STK32B: variants seen among roughly 807,000 people sequenced by gnomAD.
STK32B encodes serine/threonine kinase 32B, also known as serine/threonine-protein kinase 32B.
In STK32B, 43 loss-of-function variants were observed where a neutral mutation model predicts 52.6. The ratio of observed to expected loss-of-function variants is 0.82; its 90% CI spans 0.64 to 1.05. The LOEUF is 1.05. STK32B is among the 50% of genes least tolerant of loss of function. The probability of loss-of-function intolerance (pLI) is 0.00; values close to 1 mark genes in which losing one functional copy is unlikely to be tolerated. For missense variants in STK32B, 621 were observed against 534.6 expected (o/e 1.16, Z -1.59); for synonymous variants, 238 against 204.3 (o/e 1.17, Z -1.41).
chr4:5,441,183 C>T (rs1456667291), intron 6 of STK32B, among the ~76,000 whole-genome samples: 1 of 149,946 alleles, frequency 6.7e-6, no homozygotes, highest in Non-Finnish European at 1.5e-5. Context: ...AGGAATGGTA[C>T]CAGTTCCTCC....
At position 5,453,782 on chromosome 4, in the gene STK32B, G is replaced by A. The variant is rs1282314138; in HGVS notation, c.667-3025G>A. ...TAGTGGGGCATGGTGACGCGTGCCT[G>A]TAATCCCAGCTACTTGGGAGACTGA... On this transcript the variant is annotated intron_variant, in intron 7 of 11. Transcript: ENST00000282908. The surrounding 1 kb of genome is among the most constrained non-coding windows in gnomAD (Gnocchi z 4.0). Among the ~76,000 whole-genome samples the A allele has an allele frequency of 2.0e-5, 3 of 152,054 alleles. No individual in the cohort carries two copies. The highest frequency in any genetic ancestry group is 7.3e-5 in the African/African-American group (3 of 41,378).
At chr4:5,033,186 C>T in the STK32B span, among the ~76,000 whole-genome samples, 1 of 152,184 alleles carries the variant, frequency 6.6e-6, no homozygotes, top group Admixed American at 6.5e-5. Context: ...AGGAAGAGAA[C>T]GCTGGCGGAA....
intron 3 of STK32B, among the ~76,000 whole-genome samples, chr4:5,244,105 G>A (rs921259283): frequency 6.6e-6 from 1 of 152,114 alleles, no homozygotes; most frequent in South Asian, 2.1e-4. Flanking sequence ...AAATGAGTTA[G>A]GGAGGATTCT....
rs572185577 is a variant in STK32B at position 5,395,169 on chromosome 4, A to C, written c.435-3038A>C. On this transcript the variant is annotated intron_variant, in intron 4 of 11. Transcript: ENST00000282908. The surrounding 1 kb of genome is among the most constrained non-coding windows in gnomAD (Gnocchi z 4.4). Reference sequence around the variant, plus strand: ...CACCGTGTGGCTGGCTCCACACAGCAGCTCATGTCTTGAGCTCTCACTCCA... The same window carrying C: ...CACCGTGTGGCTGGCTCCACACAGCCGCTCATGTCTTGAGCTCTCACTCCA... Among the ~76,000 whole-genome samples the C allele has an allele frequency of 5.3e-5, 8 of 152,152 alleles. No homozygotes were observed. The highest frequency in any genetic ancestry group is 1.0e-4 in the Non-Finnish European group (7 of 68,024).
chr4:5,437,272 A>G lies in STK32B; in HGVS notation c.563-9401A>G, dbSNP rs149804407. Among the ~76,000 whole-genome samples, 330 of 152,354 alleles carry G rather than the reference A, an allele frequency of 2.2e-3. 2 individuals carry two copies. The highest frequency in any genetic ancestry group is 0.014 in the Middle Eastern group (4 of 294). Reference sequence around the variant, plus strand: ...CGAACTGAGTGGCCTGAAACAATAGAAGTTCATTTTCCCACAGTTGTGGAG... The same window carrying G: ...CGAACTGAGTGGCCTGAAACAATAGGAGTTCATTTTCCCACAGTTGTGGAG... On this transcript the variant is annotated intron_variant, in intron 6 of 11. Transcript: ENST00000282908.
chr4:5,371,034 GTA>G (rs1417481697), intron 4 of STK32B, among the ~76,000 whole-genome samples: 34 of 150,166 alleles, frequency 2.3e-4, no homozygotes, highest in African/African-American at 5.9e-4. Context: ...GTATATATAT[GTA>G]TATATATGTG....
chr4:5,236,173 C>G (rs745932919), intron 3 of STK32B, among the ~76,000 whole-genome samples: 2 of 152,112 alleles, frequency 1.3e-5, no homozygotes, highest in African/African-American at 4.8e-5. Flanking sequence ...AAAAAGCTCA[C>G]CCTACACTGA....
intron 2 of STK32B, among the ~76,000 whole-genome samples, chr4:5,145,535 C>A (rs1479067118): frequency 6.6e-6 from 1 of 152,162 alleles, no homozygotes; most frequent in Non-Finnish European, 1.5e-5. Flanking sequence ...ACTACTCCAT[C>A]CATTATAGAT....
intron 8 of STK32B, among the ~76,000 whole-genome samples, chr4:5,457,785 T>A (rs1388811981): frequency 6.6e-6 from 1 of 151,238 alleles, no homozygotes; most frequent in Non-Finnish European, 1.5e-5. Flanking sequence ...GGCAGGTGAA[T>A]CACTTGAACC....
At chr4:5,172,219 G>A (rs2108741819) in intron 3 of STK32B, among the ~76,000 whole-genome samples, 1 of 152,226 alleles carries the variant, frequency 6.6e-6, no homozygotes, top group South Asian at 2.1e-4. Context: ...CTGAGACAAT[G>A]GGGTTTTCTA....
intron 1 of STK32B, among the ~76,000 whole-genome samples, chr4:5,108,443 C>G (rs774420919): frequency 6.6e-6 from 1 of 152,116 alleles, no homozygotes; most frequent in Non-Finnish European, 1.5e-5. Context: ...TTCTAAAGTG[C>G]CCTTCTCATG....
At chr4:5,174,797 G>T (rs1010146030) in intron 3 of STK32B, among the ~76,000 whole-genome samples, 1 of 152,030 alleles carries the variant, frequency 6.6e-6, no homozygotes, top group Non-Finnish European at 1.5e-5. Context: ...TGCTCTTCTC[G>T]AGGAGTATCT....
At chr4:5,221,121 A>G (rs767457632) in intron 3 of STK32B, among the ~76,000 whole-genome samples, 2 of 152,122 alleles carry the variant, frequency 1.3e-5, no homozygotes, top group Non-Finnish European at 2.9e-5. Flanking sequence ...GGAGCAATTG[A>G]TGTTCTTCTC....
intron 3 of STK32B, among the ~76,000 whole-genome samples, chr4:5,313,604 AC>A (rs200490898): frequency 0.12 from 17,628 of 152,082 alleles, 2,568 homozygotes; most frequent in African/African-American, 0.35. Context: ...ACATTAAAAA[AC>A]AAAGAATTTA....
chr4:5,468,429 C>T (rs1008097475), intron 11 of STK32B, among the ~76,000 whole-genome samples: 1 of 152,346 alleles, frequency 6.6e-6, no homozygotes, highest in African/African-American at 2.4e-5. Flanking sequence ...GGCTCTGCCA[C>T]TGCAGAGTGA....
chr4:5,096,906 G>A (rs1371353433), intron 1 of STK32B, among the ~76,000 whole-genome samples: 1 of 152,182 alleles, frequency 6.6e-6, no homozygotes, highest in South Asian at 2.1e-4. Flanking sequence ...CCTGCTAAGT[G>A]CCAGGCACTC....
In STK32B at chr4:5,268,396, C is replaced by T. The variant is rs139685402; in HGVS notation, c.261-62824C>T. On this transcript the variant is annotated intron_variant, in intron 3 of 11. Coordinates refer to ENST00000282908, the MANE Select transcript of STK32B (RefSeq NM_018401.3). Reference sequence around the variant, plus strand: ...CTCTGCCCCAGGACCTTTGCGTAGCCGCTTTCTCCTTATCATTCAGCTCAA... The same window carrying T: ...CTCTGCCCCAGGACCTTTGCGTAGCTGCTTTCTCCTTATCATTCAGCTCAA... Among the ~76,000 whole-genome samples the T allele has an allele frequency of 1.1e-3, 163 of 152,244 alleles. 1 individual carries two copies. The highest frequency in any genetic ancestry group is 3.7e-3 in the African/African-American group (155 of 41,556).
intron 2 of STK32B, among the ~76,000 whole-genome samples, chr4:5,167,664 C>G (rs1158778015): frequency 6.6e-6 from 1 of 152,256 alleles, no homozygotes; most frequent in Admixed American, 6.5e-5. Flanking sequence ...AGTGTAAACA[C>G]TGGCATCAGC....
chr4:5,475,438 A>C (rs1276027838), intron 11 of STK32B, among the ~76,000 whole-genome samples: 4 of 146,084 alleles, frequency 2.7e-5, no homozygotes, highest in Non-Finnish European at 6.0e-5. Context: ...AAAAAAAAAA[A>C]AAAAAGCGTG....
Sources: gnomAD v4.1 joint callset for allele counts (sites outside exome capture counted in the v4.1 genomes callset) on GRCh38, gnomAD v4.1.1 for gene constraint, Gnocchi (gnomAD v3.1) non-coding constraint, MANE v1.5 for transcripts, NCBI Gene and HGNC (gene_info 2026-07-23, HGNC 2026-07-21) for gene names.